The following CRACD variants were observed in gnomAD, a reference collection of about 807,000 sequenced individuals.
CRACD encodes the protein capping protein-inhibiting regulator of actin dynamics.
In CRACD, 56 loss-of-function variants were observed where a neutral mutation model predicts 106.8. The observed-to-expected ratio is 0.52, with a 90% confidence interval of 0.42 to 0.66. The LOEUF (loss-of-function observed/expected upper bound fraction) is 0.66. CRACD is among the 30% of genes least tolerant of loss of function. The probability of loss-of-function intolerance (pLI) is 0.00; values close to 1 mark genes in which losing one functional copy is unlikely to be tolerated. For missense variants in CRACD, 1,730 were observed against 1,623.2 expected, an observed-to-expected ratio of 1.07 and a Z score of -1.13; for synonymous variants, 754 against 670.8, an observed-to-expected ratio of 1.12 and a Z score of -1.92.
intron 2 of CRACD, among the ~76,000 whole-genome samples, chr4:56,199,364 G>C (rs1252568024): frequency 6.6e-6 from 1 of 152,132 alleles, no homozygotes; most frequent in Admixed American, 6.6e-5. Flanking sequence ...TTATCAGCAA[G>C]TTAATTTAGG....
intron 1 of CRACD, among the ~76,000 whole-genome samples, chr4:56,113,393 T>C (rs1197751269): frequency 6.6e-6 from 1 of 152,192 alleles, no homozygotes; most frequent in Non-Finnish European, 1.5e-5. Context: ...AGGCAGTAAG[T>C]CTTTTTCCTA....
At chr4:56,129,904 A>T (rs1734771603) in intron 1 of CRACD, among the ~76,000 whole-genome samples, 1 of 152,204 alleles carries the variant, frequency 6.6e-6, no homozygotes, top group Admixed American at 6.5e-5. Flanking sequence ...GTTTGATTCA[A>T]GTGAGAATAG....
intron 1 of CRACD, among the ~76,000 whole-genome samples, chr4:56,060,965 T>G (rs1379921176): frequency 1.3e-5 from 2 of 152,110 alleles, no homozygotes; most frequent in East Asian, 3.9e-4. Context: ...GAAGCAGATT[T>G]CTGTTATTTA....
At position 56,315,418 on chromosome 4, in the gene CRACD, C is replaced by T. The variant is rs1745543093; in HGVS notation, c.1916C>T (p.Pro639Leu). 1.9e-6 allele frequency: 3 copies of T among 1,612,522 alleles called. No individual in the cohort carries two copies. Among genetic ancestry groups the T allele is most frequent in the Non-Finnish European group, 2.5e-6 (3 of 1,179,648 alleles). Residue 639 changes from proline (P) to leucine (L), a missense_variant, in exon 8 of 11, where the codon CCC becomes CTC. Around this residue, in one of 5 missense-constraint regions of CRACD, gnomAD observed 1,620 missense variants for 1,481.6 expected, o/e 1.09. Transcript: ENST00000682029. The surrounding 1 kb of genome is among the most constrained non-coding windows in gnomAD (Gnocchi z 4.1). The stretch of plus-strand genomic sequence containing the variant: ...GAAGCCCCAGCTGGGGAGAACCCTC[C>T]CCGAGGCCCCGGCGACGCGAGGGCG... ...HAEAPAGENP[P>L]RGPGDARAGS...
At chr4:56,184,355 G>A (rs867162412) in intron 2 of CRACD, among the ~76,000 whole-genome samples, 1 of 152,206 alleles carries the variant, frequency 6.6e-6, no homozygotes, top group Non-Finnish European at 1.5e-5. Flanking sequence ...ATAGGCGTGA[G>A]CCACCACGCC....
chr4:56,090,300 C>A (rs958640903), intron 1 of CRACD, among the ~76,000 whole-genome samples: 1 of 152,082 alleles, frequency 6.6e-6, no homozygotes, highest in Non-Finnish European at 1.5e-5. Flanking sequence ...GCCTGGCACC[C>A]CTTTTCTAGG....
In CRACD at chr4:56,049,140, C is replaced by T. The variant is rs894334069; in HGVS notation, c.-495C>T. 2.0e-5 allele frequency: 3 copies of T among 149,884 alleles called. No homozygotes were observed. Among genetic ancestry groups the T allele is most frequent in the Non-Finnish European group, 1.5e-5 (1 of 67,182 alleles). The allele number at this position is 149,884 out of a possible 1,614,324, so 9.3% of individuals were successfully genotyped here. A position where few individuals can be genotyped will look rare whatever the true frequency, so the allele number is the denominator to read the frequency against. On this transcript the variant is annotated 5_prime_UTR_variant, in exon 1 of 11. Transcript: ENST00000682029. ...CGGCAGTGGGGAGAGCAATGGAGGC[C>T]ACGGCCGACTGAGAGGCGGGTGCGC...
chr4:56,217,954 A>G (rs998390935), intron 2 of CRACD, among the ~76,000 whole-genome samples: 10 of 151,980 alleles, frequency 6.6e-5, no homozygotes, highest in African/African-American at 2.2e-4. Context: ...TGTGAGGGAG[A>G]ATCTTCTTCT....
chr4:56,103,803 A>G (rs908186714), intron 1 of CRACD, among the ~76,000 whole-genome samples: 12 of 152,216 alleles, frequency 7.9e-5, no homozygotes, highest in African/African-American at 2.9e-4. Flanking sequence ...TTTTTGAGAC[A>G]GAGTTTTGCT....
chr4:56,271,567 A>T (rs1450792147), intron 2 of CRACD, among the ~76,000 whole-genome samples: 1 of 151,896 alleles, frequency 6.6e-6, no homozygotes, highest in Non-Finnish European at 1.5e-5. Context: ...AGAGATAAAA[A>T]TATTAAAAAA....
At chr4:56,118,004 C>G (rs1394551069) in intron 1 of CRACD, among the ~76,000 whole-genome samples, 1 of 152,140 alleles carries the variant, frequency 6.6e-6, no homozygotes, top group Non-Finnish European at 1.5e-5. Flanking sequence ...GGTGATCCAC[C>G]CGCCTCTGCC....
At chr4:56,225,655 C>T (rs868176788) in intron 2 of CRACD, among the ~76,000 whole-genome samples, 4 of 152,110 alleles carry the variant, frequency 2.6e-5, no homozygotes, top group Admixed American at 6.5e-5. Flanking sequence ...GGGAAAAAAT[C>T]ATACAGCTTA....
chr4:56,304,450 T>G (rs529459847), intron 4 of CRACD, among the ~76,000 whole-genome samples: 2 of 152,216 alleles, frequency 1.3e-5, no homozygotes, highest in South Asian at 4.2e-4. Flanking sequence ...AGCATCAGGA[T>G]GGACCAACAT....
chr4:56,160,313 G>T (rs540753884), intron 1 of CRACD, among the ~76,000 whole-genome samples: 56 of 151,632 alleles, frequency 3.7e-4, no homozygotes, highest in Middle Eastern at 3.4e-3. Context: ...CTCCTGAATA[G>T]CTTGAATTAC....
chr4:56,313,179 T>C lies in CRACD; in HGVS notation c.355-18T>C. 2 of 1,603,970 alleles carry C rather than the reference T, an allele frequency of 1.2e-6. No individual in the cohort carries two copies. Among genetic ancestry groups the C allele is most frequent in the Non-Finnish European group, 1.7e-6 (2 of 1,172,386 alleles). Reference sequence around the variant, plus strand: ...TCTTCTGATCCCAACTGACTTTCTATTTTAATCTCCCCTACAGGTTGCTCC... The same window carrying C: ...TCTTCTGATCCCAACTGACTTTCTACTTTAATCTCCCCTACAGGTTGCTCC... On this transcript the variant is annotated intron_variant, in intron 6 of 10. Coordinates refer to ENST00000682029, the MANE Select transcript of CRACD (RefSeq NM_001393381.1).
chr4:56,237,689 G>A (rs1274761950), intron 2 of CRACD, among the ~76,000 whole-genome samples: 2 of 149,926 alleles, frequency 1.3e-5, no homozygotes, highest in Non-Finnish European at 3.0e-5. Flanking sequence ...GTAATTCCTA[G>A]AACTGAAATT....
At chr4:56,185,247 G>A (rs540676953) in intron 2 of CRACD, among the ~76,000 whole-genome samples, 9 of 152,234 alleles carry the variant, frequency 5.9e-5, no homozygotes, top group East Asian at 3.9e-4. Context: ...GTGAGCCAGC[G>A]CACCCGGCCT....
intron 2 of CRACD, among the ~76,000 whole-genome samples, chr4:56,234,992 G>A (rs1739879439): frequency 6.6e-6 from 1 of 152,088 alleles, no homozygotes; most frequent in South Asian, 2.1e-4. Flanking sequence ...TAATTCATAG[G>A]GTAGAGTCCT....
intron 5 of CRACD, among the ~76,000 whole-genome samples, chr4:56,309,384 G>C (rs1397570183): frequency 6.6e-6 from 1 of 152,154 alleles, no homozygotes; most frequent in East Asian, 1.9e-4. Flanking sequence ...TGGAAGGGAA[G>C]AAAAGACTCT....
Sources: allele counts gnomAD v4.1 joint callset (sites outside exome capture counted in the v4.1 genomes callset), GRCh38; gene constraint gnomAD v4.1.1; regional missense constraint gnomAD v4.1.1; non-coding constraint Gnocchi (gnomAD v3.1); transcripts MANE v1.5; gene names NCBI Gene and HGNC (gene_info 2026-07-23, HGNC 2026-07-21).